SIK3: variants seen among roughly 807,000 people sequenced by gnomAD.
SIK3 encodes the protein SIK family kinase 3.
A neutral mutation model predicts 144.2 loss-of-function variants in SIK3; 28 were observed. The ratio of observed to expected loss-of-function variants is 0.19; its 90% CI spans 0.14 to 0.27. The LOEUF (loss-of-function observed/expected upper bound fraction) is 0.27. Ranked by LOEUF, SIK3 falls within the 10% of genes least tolerant of loss-of-function variation. The probability of loss-of-function intolerance (pLI) is 1.00; values close to 1 mark genes in which losing one functional copy is unlikely to be tolerated. For missense variants in SIK3, 1,319 were observed against 1,776.0 expected (o/e 0.74, Z 4.62); for synonymous variants, 686 against 676.3 (o/e 1.01, Z -0.22).
chr11:116,985,571 T>A (rs983940017), intron 1 of SIK3, among the ~76,000 whole-genome samples: 1 of 152,232 alleles, frequency 6.6e-6, no homozygotes, highest in Admixed American at 6.5e-5. Context: ...GTCTGCTTTA[T>A]GTCAAACTGT....
chr11:116,844,464 G>A lies in SIK3; in HGVS notation c.*1179C>T, dbSNP rs1486894733. 2.7e-5 allele frequency: 4 copies of A among 150,100 alleles called. No homozygotes were observed. Among genetic ancestry groups the A allele is most frequent in the African/African-American group, 7.3e-5 (3 of 40,930 alleles). 9.3% of individuals were successfully genotyped at this position (150,100 alleles called of 1,614,324 possible). On this transcript the variant is annotated 3_prime_UTR_variant, in exon 25 of 25. Coordinates refer to ENST00000445177, the MANE Select transcript of SIK3 (RefSeq NM_001366686.3). ...CCAAAAACAATTTCTACATGATCAAGAATTAAAATATAGGGGCTGAGGGTA... is the reference window on the plus strand; with the variant it reads ...CCAAAAACAATTTCTACATGATCAAAAATTAAAATATAGGGGCTGAGGGTA...
At chr11:117,043,639 G>A (rs1379769311) in intron 1 of SIK3, among the ~76,000 whole-genome samples, 1 of 152,124 alleles carries the variant, frequency 6.6e-6, no homozygotes, top group Non-Finnish European at 1.5e-5. Context: ...CTTAGCTTCT[G>A]TATCATATCA....
intron 1 of SIK3, among the ~76,000 whole-genome samples, chr11:117,092,984 T>C (rs767275767): frequency 2.0e-5 from 3 of 152,216 alleles, no homozygotes; most frequent in Non-Finnish European, 2.9e-5. Flanking sequence ...TACTGGTATT[T>C]TGACTCTGGA....
chr11:116,919,735 A>G (rs1341112362), intron 4 of SIK3, among the ~76,000 whole-genome samples: 2 of 152,186 alleles, frequency 1.3e-5, no homozygotes, highest in Non-Finnish European at 2.9e-5. Context: ...CCATTTTCAA[A>G]ACACCATTTT....
chr11:117,051,853 ATCTAT>A lies in SIK3; in HGVS notation c.273+46285_273+46289del, dbSNP rs1328304101. ...CTATAGAGGTTTATTACAGAAATCC[ATCTAT>A]CCAGGCCGGGCGTGGTGGCTCATGC... On this transcript the variant is annotated intron_variant, in intron 1 of 24. Coordinates refer to ENST00000445177, the MANE Select transcript of SIK3 (RefSeq NM_001366686.3). Among the ~76,000 whole-genome samples, 198 of 151,948 alleles carry A rather than the reference ATCTAT, an allele frequency of 1.3e-3. 1 individual carries two copies. Among genetic ancestry groups the A allele is most frequent in the African/African-American group, 4.2e-3 (176 of 41,514 alleles).
intron 4 of SIK3, among the ~76,000 whole-genome samples, chr11:116,911,688 T>C (rs1370276950): frequency 6.6e-6 from 1 of 152,256 alleles, no homozygotes; most frequent in Non-Finnish European, 1.5e-5. Flanking sequence ...TGTTGCTGTT[T>C]AAATTTTCTA....
At chr11:117,079,678 T>G (rs1488733027) in intron 1 of SIK3, among the ~76,000 whole-genome samples, 1 of 151,066 alleles carries the variant, frequency 6.6e-6, no homozygotes, top group Non-Finnish European at 1.5e-5. Flanking sequence ...ACCATAAAAG[T>G]AGTTGAAAAA....
At chr11:117,023,313 T>G (rs1951849176) in intron 1 of SIK3, among the ~76,000 whole-genome samples, 1 of 152,038 alleles carries the variant, frequency 6.6e-6, no homozygotes, top group Admixed American at 6.6e-5. Context: ...AATCTGGACC[T>G]GCCAAAGAAG....
At position 117,063,032 on chromosome 11, in the gene SIK3, T is replaced by C. The variant is rs374105258; in HGVS notation, c.273+35111A>G. ...AGAAATCAGCTTTACTGGTTTCCTA[T>C]AATGTTGCACTTAGAAATGTTCAGC... On this transcript the variant is annotated intron_variant, in intron 1 of 24. Transcript: ENST00000445177. Among the ~76,000 whole-genome samples the C allele has an allele frequency of 3.8e-4, 58 of 152,374 alleles. No individual in the cohort carries two copies. In the East Asian group the frequency reaches 8.7e-3, roughly 23 times the overall value.
At chr11:116,866,757 G>A (rs1446642707) in intron 15 of SIK3, among the ~76,000 whole-genome samples, 1 of 152,150 alleles carries the variant, frequency 6.6e-6, no homozygotes, top group African/African-American at 2.4e-5. Flanking sequence ...GCTCTTTAGT[G>A]TGTACGAACA....
chr11:116,969,062 G>T (rs1248525590), intron 1 of SIK3, among the ~76,000 whole-genome samples: 3 of 152,128 alleles, frequency 2.0e-5, no homozygotes, highest in Non-Finnish European at 4.4e-5. Context: ...AGGCCGAGGC[G>T]GGTGGATCAC....
chr11:116,927,396 A>G lies in SIK3; in HGVS notation c.455-16T>C. 1 of 1,607,832 alleles carries G rather than the reference A, an allele frequency of 6.2e-7. No homozygotes were observed. Among genetic ancestry groups the G allele is most frequent in the Non-Finnish European group, 8.5e-7 (1 of 1,176,840 alleles). On this transcript the variant is annotated splice_polypyrimidine_tract_variant and intron_variant, in intron 3 of 24. Transcript: ENST00000445177. ...ACCAGGTGGTCTGTGTTGAAGAAGAATACAGTCAGTTTTCATTTTGGACAC... is the reference window on the plus strand; with the variant it reads ...ACCAGGTGGTCTGTGTTGAAGAAGAGTACAGTCAGTTTTCATTTTGGACAC...
chr11:117,016,938 GAACA>G (rs969174620), intron 1 of SIK3, among the ~76,000 whole-genome samples: 1 of 152,094 alleles, frequency 6.6e-6, no homozygotes, highest in African/African-American at 2.4e-5. Context: ...CAATGAAAAA[GAACA>G]AACTACTGCT....
chr11:117,097,062 G>C (rs898579842), intron 1 of SIK3, among the ~76,000 whole-genome samples: 2 of 152,164 alleles, frequency 1.3e-5, no homozygotes, highest in African/African-American at 4.8e-5. Context: ...GGGCTTTGCG[G>C]GTTCCACCAA....
chr11:116,876,083 A>G (rs140719926), intron 8 of SIK3, 74 bp from the exon 9 acceptor site: 701 of 1,580,774 alleles, frequency 4.4e-4, no homozygotes, highest in Non-Finnish European at 5.5e-4. Flanking sequence ...CCTTTCAGTA[A>G]TAACATTAGC....
At chr11:117,097,705 C>G (rs1488947936) in intron 1 of SIK3, among the ~76,000 whole-genome samples, 2 of 152,106 alleles carry the variant, frequency 1.3e-5, no homozygotes, top group East Asian at 3.9e-4. Flanking sequence ...AAGCCCGGGT[C>G]TGCCACTTCA....
intron 6 of SIK3, 104 bp downstream of exon 6, chr11:116,896,149 G>A (rs1448186744): frequency 1.3e-6 from 2 of 1,488,874 alleles, no homozygotes; most frequent in East Asian, 2.4e-5. Context: ...GTTAAAAAAG[G>A]TTGTAAGTGG....
intron 1 of SIK3, among the ~76,000 whole-genome samples, chr11:116,978,578 A>G (rs1174537096): frequency 6.6e-6 from 1 of 152,044 alleles, no homozygotes; most frequent in Non-Finnish European, 1.5e-5. Context: ...AGCATAACTC[A>G]CTGTAGCTGT....
At chr11:116,926,983 T>C (rs1449603173) in intron 4 of SIK3, among the ~76,000 whole-genome samples, 1 of 144,482 alleles carries the variant, frequency 6.9e-6, no homozygotes, top group African/African-American at 2.6e-5. Context: ...ACTGCACCAC[T>C]GCACTCCAGC....
Sources: gnomAD v4.1 joint callset for allele counts (sites outside exome capture counted in the v4.1 genomes callset) on GRCh38, gnomAD v4.1.1 for gene constraint, MANE v1.5 for transcripts, NCBI Gene and HGNC (gene_info 2026-07-23, HGNC 2026-07-21) for gene names.